APBA1: variants seen among roughly 807,000 people sequenced by gnomAD.
APBA1 encodes the protein amyloid-beta A4 precursor protein-binding family A member 1.
A neutral mutation model predicts 86.6 loss-of-function variants in APBA1; 55 were observed. The observed-to-expected ratio is 0.64, with a 90% CI of 0.51 to 0.80. APBA1 has a LOEUF of 0.80. Among genes scored for constraint, APBA1 ranks in the 30% least tolerant of loss-of-function variants. The pLI is 0.00. For synonymous variants in APBA1, 511 were observed against 493.9 expected, an observed-to-expected ratio of 1.03 and a Z score of -0.46; for missense variants, 1,090 against 1,183.0, an observed-to-expected ratio of 0.92 and a Z score of 1.15.
chr9:69,473,316 C>T (rs182634745), intron 3 of APBA1, among the ~76,000 whole-genome samples: 4 of 152,296 alleles, frequency 2.6e-5, no homozygotes, highest in Admixed American at 6.5e-5. Flanking sequence ...AAAAAACCCT[C>T]ATAACTTCAT....
intron 4 of APBA1, among the ~76,000 whole-genome samples, chr9:69,471,046 G>A (rs1835358995): frequency 6.6e-6 from 1 of 152,108 alleles, no homozygotes; most frequent in South Asian, 2.1e-4. Context: ...GCCAACTGTG[G>A]GATCTTGGGC....
At chr9:69,452,014 G>A (rs763019912) in intron 9 of APBA1, 108 bp downstream of exon 9, 87 of 1,033,160 alleles carry the variant, frequency 8.4e-5, no homozygotes, top group Non-Finnish European at 1.2e-4. Flanking sequence ...CTGCCAATAC[G>A]GCACTCCTCA....
At chr9:69,512,819 A>G (rs1374311974) in intron 2 of APBA1, among the ~76,000 whole-genome samples, 2 of 152,236 alleles carry the variant, frequency 1.3e-5, no homozygotes, top group Non-Finnish European at 2.9e-5. Flanking sequence ...AACGAAGGGC[A>G]GTAACTTGCA....
chr9:69,597,570 G>A (rs1564087792), intron 1 of APBA1, among the ~76,000 whole-genome samples: 1 of 152,150 alleles, frequency 6.6e-6, no homozygotes, highest in Non-Finnish European at 1.5e-5. Flanking sequence ...TGGTGTTTTA[G>A]ACATGAAGTC....
chr9:69,653,350 A>C (rs57202225), intron 1 of APBA1, among the ~76,000 whole-genome samples: 34,231 of 152,120 alleles, frequency 0.23, 4,173 homozygotes, highest in African/African-American at 0.29. Context: ...TGACTACAAT[A>C]CAATAATAGC....
chr9:69,576,666 T>C (rs534979280), intron 1 of APBA1, among the ~76,000 whole-genome samples: 59 of 151,420 alleles, frequency 3.9e-4, no homozygotes, highest in African/African-American at 1.4e-3. Flanking sequence ...TGAGAACACA[T>C]GGACACAGGA....
At chr9:69,544,790 C>T (rs1421586964) in intron 1 of APBA1, among the ~76,000 whole-genome samples, 2 of 152,148 alleles carry the variant, frequency 1.3e-5, no homozygotes, top group Non-Finnish European at 2.9e-5. Flanking sequence ...ATAGAGAATG[C>T]TTGTTATCTA....
chr9:69,598,083 A>G (rs1365321937), intron 1 of APBA1, among the ~76,000 whole-genome samples: 1 of 151,804 alleles, frequency 6.6e-6, no homozygotes, highest in African/African-American at 2.4e-5. Flanking sequence ...GCACATATAC[A>G]CCATGGAATA....
At chr9:69,486,405 C>G (rs777971697) in intron 2 of APBA1, among the ~76,000 whole-genome samples, 3 of 152,134 alleles carry the variant, frequency 2.0e-5, no homozygotes, top group Non-Finnish European at 4.4e-5. Flanking sequence ...GTTCCTTCGA[C>G]AGACATCTCA....
At chr9:69,482,164 T>G (rs540508086) in intron 2 of APBA1, among the ~76,000 whole-genome samples, 88 of 151,948 alleles carry the variant, frequency 5.8e-4, no homozygotes, top group Non-Finnish European at 1.1e-3. Context: ...CAAAAGAAAC[T>G]ACCATCAGAG....
At chr9:69,617,156 C>T (rs1469754826) in intron 1 of APBA1, among the ~76,000 whole-genome samples, 2 of 152,178 alleles carry the variant, frequency 1.3e-5, no homozygotes, top group Non-Finnish European at 2.9e-5. Context: ...CATCTCAAAA[C>T]AACTATATAA....
chr9:69,523,493 ATATG>A (rs59677834), intron 1 of APBA1, among the ~76,000 whole-genome samples: 432 of 13,532 alleles, frequency 0.032, 1 homozygote, highest in African/African-American at 0.058. Flanking sequence ...ATATATATAT[ATATG>A]TATATATATA....
At chr9:69,456,513 C>T in intron 7 of APBA1, 81 bp from the exon 8 acceptor site, 1 of 1,424,014 alleles carries the variant, frequency 7.0e-7, no homozygotes. Flanking sequence ...TACAGCCAGT[C>T]AAGTATGGTT....
At position 69,516,862 on chromosome 9, in the gene APBA1, C is replaced by A; in HGVS notation, c.349G>T (p.Ala117Ser). Residue 117 changes from alanine (A) to serine (S), a missense_variant, in exon 2 of 13, where the codon GCC becomes TCC. This residue lies in a region of APBA1 where 678 missense variants were observed against 647.1 expected (regional missense o/e 1.05). Coordinates refer to ENST00000265381, the MANE Select transcript of APBA1 (RefSeq NM_001163.4). This position sits in a 1 kb window ranked among gnomAD's most constrained non-coding sequence, Gnocchi z 7.3. ...ERAQDPEDES[A>S]YAVQYRPEAE... Reference sequence around the variant, plus strand: ...TCGGGCCGGTACTGCACAGCATAGGCGCTCTCGTCCTCGGGGTCCTGCGCG... The same window carrying A: ...TCGGGCCGGTACTGCACAGCATAGGAGCTCTCGTCCTCGGGGTCCTGCGCG... 1 of 1,598,724 alleles carries A rather than the reference C, an allele frequency of 6.3e-7. No homozygotes were observed. The highest frequency in any genetic ancestry group is 1.3e-5 in the African/African-American group (1 of 74,918).
At chr9:69,498,915 A>C (rs1464782253) in intron 2 of APBA1, among the ~76,000 whole-genome samples, 1 of 152,150 alleles carries the variant, frequency 6.6e-6, no homozygotes, top group Non-Finnish European at 1.5e-5. Flanking sequence ...CAGACGGTTG[A>C]GAACACATTT....
intron 1 of APBA1, among the ~76,000 whole-genome samples, chr9:69,589,326 G>A (rs919634200): frequency 1.3e-5 from 2 of 152,162 alleles, no homozygotes; most frequent in African/African-American, 4.8e-5. Flanking sequence ...AATCACTGTT[G>A]CTTGATTCCA....
chr9:69,607,656 T>C (rs1485917501), intron 1 of APBA1, among the ~76,000 whole-genome samples: 4 of 152,236 alleles, frequency 2.6e-5, no homozygotes, highest in African/African-American at 9.6e-5. Context: ...TTTTCCCAAA[T>C]ACTTTGTATT....
intron 1 of APBA1, among the ~76,000 whole-genome samples, chr9:69,606,583 C>CCAGGTTCA (rs993367219): frequency 6.7e-6 from 1 of 149,752 alleles, no homozygotes; most frequent in African/African-American, 2.5e-5. Context: ...GCTCTGCCTC[C>CCAGGTTCA]CAGGTTCACA....
intron 1 of APBA1, among the ~76,000 whole-genome samples, chr9:69,594,557 T>C (rs1822193193): frequency 6.6e-6 from 1 of 152,058 alleles, no homozygotes; most frequent in South Asian, 2.1e-4. Context: ...TTGGATGACA[T>C]TATAGAGGAA....
Sources: gnomAD v4.1 joint callset for allele counts (sites outside exome capture counted in the v4.1 genomes callset) on GRCh38, gnomAD v4.1.1 for gene constraint, gnomAD v4.1.1 regional missense constraint, Gnocchi (gnomAD v3.1) non-coding constraint, MANE v1.5 for transcripts, NCBI Gene and HGNC (gene_info 2026-07-23, HGNC 2026-07-21) for gene names.